ICE2: variants seen among roughly 807,000 people sequenced by gnomAD.
ICE2 encodes the protein interactor of little elongation complex ELL subunit 2.
In ICE2, 87 loss-of-function variants were observed where a neutral mutation model predicts 105.4. The observed-to-expected ratio is 0.83, with a 90% confidence interval of 0.69 to 0.99. The LOEUF (loss-of-function observed/expected upper bound fraction) is 0.99, where lower values mean the gene tolerates loss of function less well. ICE2 is among the 50% of genes least tolerant of loss of function. The pLI is 0.00. For missense variants in ICE2, 1,323 were observed against 1,146.7 expected, an observed-to-expected ratio of 1.15 and a Z score of -2.22; for synonymous variants, 399 against 392.0, an observed-to-expected ratio of 1.02 and a Z score of -0.21.
chr15:60,446,449 G>A (rs1301812555), intron 11 of ICE2, among the ~76,000 whole-genome samples: 3 of 152,158 alleles, frequency 2.0e-5, no homozygotes, highest in African/African-American at 7.2e-5. Flanking sequence ...AGGCTGGAGT[G>A]CAGTGGTGCG....
Position 60,436,151 on chromosome 15 carries a change from T to A in ICE2, c.2502A>T (p.Ser834=). The change falls in exon 13 of 16, where the codon TCA becomes TCT. Residue 834 remains serine (S), a synonymous_variant. Transcript: ENST00000261520. ...ITSEELKEKL[S]ALKISNLFNI... is the part of the protein sequence containing the mutation. ...AAAGTAAACTTTCTTACTTGAGTGCTGAAAGCTTTTCTTTTAATTCTTCTG... is the reference window on the plus strand; with the variant it reads ...AAAGTAAACTTTCTTACTTGAGTGCAGAAAGCTTTTCTTTTAATTCTTCTG... 1 of 1,426,882 alleles carries A rather than the reference T, an allele frequency of 7.0e-7. No individual in the cohort carries two copies. The highest frequency in any genetic ancestry group is 9.5e-7 in the Non-Finnish European group (1 of 1,057,338). 88.4% of individuals were successfully genotyped at this position (1,426,882 alleles called of 1,614,324 possible).
At chr15:60,453,899 C>T in intron 8 of ICE2, 115 bp from the exon 9 acceptor site, 1 of 777,108 alleles carries the variant, frequency 1.3e-6, no homozygotes, top group Non-Finnish European at 2.1e-6. Context: ...AGAATGGCAG[C>T]ACATGTCCCA....
Position 60,455,040 on chromosome 15 carries a change from C to G in ICE2, c.906G>C (p.Trp302Cys). The G allele has an allele frequency of 6.3e-7, 1 of 1,585,584 alleles. No homozygotes were observed. The highest frequency in any genetic ancestry group is 8.5e-7 in the Non-Finnish European group (1 of 1,171,094). Residue 302 changes from tryptophan (W) to cysteine (C), a missense_variant, in exon 8 of 16, where the codon TGG becomes TGC. Physicochemically the swap from Trp to Cys is radical, Grantham distance 215. Coordinates refer to ENST00000261520, the MANE Select transcript of ICE2 (RefSeq NM_024611.6). ...TTACTTGAATACACACTGGAATTTC[C>G]CACTGTTCCTTGTACGTTGGTCCAT... ...NNHGPTYKEQ[W>C]EIPVCIQVIP...
chr15:60,478,683 C>T lies in ICE2; in HGVS notation c.-93+320G>A, dbSNP rs1024858288. Reference sequence around the variant, plus strand: ...AACCTAATCAAATTTAGGAGTCGGTCTCTCGACACCGAACGGGCCCGACCG... The same window carrying T: ...AACCTAATCAAATTTAGGAGTCGGTTTCTCGACACCGAACGGGCCCGACCG... On this transcript the variant is annotated intron_variant, in intron 1 of 15. Coordinates refer to ENST00000261520, the MANE Select transcript of ICE2 (RefSeq NM_024611.6). The T allele has an allele frequency of 9.0e-6, 3 of 334,116 alleles. No homozygotes were observed. In the Admixed American group the frequency reaches 1.2e-4, roughly 14 times the overall value. The allele number at this position is 334,116 out of a possible 1,614,324, so 20.7% of individuals were successfully genotyped here. A position where few individuals can be genotyped will look rare whatever the true frequency, so the allele number is the denominator to read the frequency against.
At chr15:60,459,975 A>G (rs2064229461) in intron 5 of ICE2, among the ~76,000 whole-genome samples, 1 of 152,208 alleles carries the variant, frequency 6.6e-6, no homozygotes, top group Admixed American at 6.5e-5. Flanking sequence ...TAAACTTTCT[A>G]ATTAAAAGAG....
rs551424004 is a variant in ICE2 at position 60,445,128 on chromosome 15, C to G, written c.2296-2583G>C. 2.8e-4 allele frequency among the ~76,000 whole-genome samples: 43 copies of G among 152,172 alleles called. 1 individual carries two copies. The South Asian group carries it at 8.7e-3, about 31-fold the overall frequency. ...AATGACAACTAAAATAATTGAAGAA[C>G]TGAGGAAAAATAAAGAAGAGATGAG... On this transcript the variant is annotated intron_variant, in intron 11 of 15. Coordinates refer to ENST00000261520, the MANE Select transcript of ICE2 (RefSeq NM_024611.6).
At chr15:60,477,779 T>C (rs1202251713) in intron 2 of ICE2, among the ~76,000 whole-genome samples, 158 bp downstream of exon 2, 1 of 152,224 alleles carries the variant, frequency 6.6e-6, no homozygotes, top group African/African-American at 2.4e-5. Flanking sequence ...AACTCTAGCA[T>C]TCCGTATGTG....
chr15:60,469,799 T>G (rs566685596), intron 3 of ICE2, among the ~76,000 whole-genome samples: 1 of 152,338 alleles, frequency 6.6e-6, no homozygotes, highest in East Asian at 1.9e-4. Flanking sequence ...TTACTTAGAT[T>G]CACAAATGCT....
chr15:60,427,585 A>G (rs1465408959), intron 15 of ICE2, among the ~76,000 whole-genome samples: 2 of 152,136 alleles, frequency 1.3e-5, no homozygotes, highest in Non-Finnish European at 2.9e-5. Context: ...CCATGATGCC[A>G]GGCTAATTTT....
At position 60,423,632 on chromosome 15, in the gene ICE2, C is replaced by A. The variant is rs761756321; in HGVS notation, c.*2G>T. 3 of 1,605,524 alleles carry A rather than the reference C, an allele frequency of 1.9e-6. No individual in the cohort carries two copies. Among genetic ancestry groups the A allele is most frequent in the South Asian group, 2.2e-5 (2 of 90,324 alleles). On this transcript the variant is annotated 3_prime_UTR_variant, in exon 16 of 16. Transcript: ENST00000261520. ...TAAATTTAGTTTTCCATGGTACAGT[C>A]CTCAAGTTATTTTTCTTTTATGTGG... is the stretch of plus-strand genomic sequence containing the variant.
intron 5 of ICE2, among the ~76,000 whole-genome samples, chr15:60,464,507 A>G (rs1439781895): frequency 6.6e-6 from 1 of 152,204 alleles, no homozygotes; most frequent in Non-Finnish European, 1.5e-5. Context: ...ACAGAGACCT[A>G]AAAGAATCAA....
intron 5 of ICE2, among the ~76,000 whole-genome samples, chr15:60,464,837 G>T (rs967279480): frequency 6.6e-6 from 1 of 152,078 alleles, no homozygotes; most frequent in Non-Finnish European, 1.5e-5. Context: ...GTGAACACAG[G>T]AGGCCCTGTA....
chr15:60,450,824 G>A (rs1460360247), intron 9 of ICE2, among the ~76,000 whole-genome samples: 1 of 152,158 alleles, frequency 6.6e-6, no homozygotes, highest in Non-Finnish European at 1.5e-5. Flanking sequence ...CACATAGTAA[G>A]TAGCCTCTCA....
At chr15:60,476,419 T>C (rs2064764033) in intron 2 of ICE2, among the ~76,000 whole-genome samples, 1 of 152,166 alleles carries the variant, frequency 6.6e-6, no homozygotes, top group South Asian at 2.1e-4. Context: ...TTTTCTGTAG[T>C]ACACAATTAA....
chr15:60,448,052 T>C lies in ICE2; in HGVS notation c.2213A>G (p.Gln738Arg). 2 of 1,613,910 alleles carry C rather than the reference T, an allele frequency of 1.2e-6. No individual in the cohort carries two copies. Among genetic ancestry groups the C allele is most frequent in the Non-Finnish European group, 1.7e-6 (2 of 1,179,800 alleles). ...GCAGCGTACGAGTAACAACAGGTCTTGCAGGCTAAATAACTTATAAACAAA... is the reference window on the plus strand; with the variant it reads ...GCAGCGTACGAGTAACAACAGGTCTCGCAGGCTAAATAACTTATAAACAAA... The part of the protein sequence containing the change: ...GNFVYKLFSL[Q>R]DLLLLVRCSV... Residue 738 changes from glutamine (Q) to arginine (R), a missense_variant, in exon 11 of 16, where the codon CAA becomes CGA. Physicochemically the swap from Gln to Arg is conservative, Grantham distance 43 (BLOSUM62 1). Coordinates refer to ENST00000261520, the MANE Select transcript of ICE2 (RefSeq NM_024611.6).
intron 15 of ICE2, among the ~76,000 whole-genome samples, chr15:60,427,663 C>T (rs373852154): frequency 1.3e-5 from 2 of 152,282 alleles, no homozygotes; most frequent in East Asian, 1.9e-4. Context: ...ATGATCCACC[C>T]GCCTTGGCCT....
At chr15:60,432,206 T>TG (rs1239794891) in intron 13 of ICE2, among the ~76,000 whole-genome samples, 2 of 140,426 alleles carry the variant, frequency 1.4e-5, no homozygotes, top group Non-Finnish European at 3.1e-5. Context: ...TTTTTTGAGA[T>TG]GGAGTCCTGC....
At chr15:60,445,399 A>G (rs865853713) in intron 11 of ICE2, 3 of 210,330 alleles carry the variant, frequency 1.4e-5, no homozygotes, top group Admixed American at 6.5e-5. Context: ...AGAGGATAAA[A>G]TATTTTGGAC....
intron 5 of ICE2, among the ~76,000 whole-genome samples, chr15:60,461,648 ATT>A (rs2064280405): frequency 6.6e-6 from 1 of 152,202 alleles, no homozygotes; most frequent in African/African-American, 2.4e-5. Flanking sequence ...TAATATTGTT[ATT>A]TTGAGGCTGT....
Sources: gnomAD v4.1 joint callset for allele counts (sites outside exome capture counted in the v4.1 genomes callset) on GRCh38, gnomAD v4.1.1 for gene constraint, MANE v1.5 for transcripts, NCBI Gene and HGNC (gene_info 2026-07-23, HGNC 2026-07-21) for gene names.